The following RBMS3 variants were observed in gnomAD, a reference collection of about 807,000 sequenced individuals.
RBMS3 encodes RNA binding motif single stranded interacting protein 3, also known as RNA-binding motif, single-stranded-interacting protein 3.
Under a neutral mutation model 66.8 loss-of-function variants are expected in RBMS3, and 27 were observed. The observed-to-expected ratio is 0.40, with a 90% CI of 0.30 to 0.56. RBMS3 has a LOEUF of 0.56. RBMS3 is among the 20% of genes least tolerant of loss of function. The pLI is 0.40. For missense variants in RBMS3, 513 were observed against 549.5 expected, an observed-to-expected ratio of 0.93 and a Z score of 0.66; for synonymous variants, 188 against 183.0, an observed-to-expected ratio of 1.03 and a Z score of -0.22.
intron 1 of RBMS3, among the ~76,000 whole-genome samples, chr3:29,358,621 A>G (rs1438937165): frequency 1.3e-5 from 2 of 152,156 alleles, no homozygotes; most frequent in Admixed American, 6.5e-5. Context: ...CATTGAATCT[A>G]TAAATTACCT....
chr3:29,872,723 A>G (rs2059521755), intron 7 of RBMS3, among the ~76,000 whole-genome samples: 1 of 152,144 alleles, frequency 6.6e-6, no homozygotes, highest in East Asian at 1.9e-4. Context: ...CAGGAGCATC[A>G]TGATCCAGCA....
chr3:29,297,994 T>G (rs1232990332), intron 1 of RBMS3, among the ~76,000 whole-genome samples: 1 of 151,878 alleles, frequency 6.6e-6, no homozygotes, highest in Non-Finnish European at 1.5e-5. Flanking sequence ...CTTTCAAATA[T>G]CTTCAAACTT....
At chr3:29,639,379 T>C (rs1466815397) in intron 4 of RBMS3, among the ~76,000 whole-genome samples, 1 of 151,874 alleles carries the variant, frequency 6.6e-6, no homozygotes, top group African/African-American at 2.4e-5. Flanking sequence ...GGGAAATTTT[T>C]GAAAATTGTA....
chr3:29,517,305 GTGTATA>G (rs760345981), intron 3 of RBMS3, among the ~76,000 whole-genome samples: 52 of 111,378 alleles, frequency 4.7e-4, no homozygotes, highest in Admixed American at 1.0e-3. Context: ...GTGTGTGTGT[GTGTATA>G]TATATATATT....
chr3:29,971,934 G>A (rs563956235), intron 12 of RBMS3, among the ~76,000 whole-genome samples: 1 of 151,100 alleles, frequency 6.6e-6, no homozygotes, highest in Admixed American at 6.6e-5. Flanking sequence ...AGAAGGAGGA[G>A]GTTAGCAAGA....
chr3:29,576,083 C>A (rs2047110433), intron 3 of RBMS3, among the ~76,000 whole-genome samples: 1 of 151,980 alleles, frequency 6.6e-6, no homozygotes, highest in Non-Finnish European at 1.5e-5. Context: ...GGTGTCTGGA[C>A]ATTGAAGAGT....
intron 3 of RBMS3, among the ~76,000 whole-genome samples, chr3:29,509,155 A>G: frequency 6.6e-6 from 1 of 151,526 alleles, no homozygotes; most frequent in Non-Finnish European, 1.5e-5. Context: ...GAGTATTCAC[A>G]TTCTACTCCA....
chr3:29,336,368 ATCAAAC>A (rs1477971160), intron 1 of RBMS3, among the ~76,000 whole-genome samples: 4 of 152,134 alleles, frequency 2.6e-5, no homozygotes, highest in African/African-American at 4.8e-5. Context: ...CAGCTTTTCC[ATCAAAC>A]TCAATTACAA....
chr3:29,747,397 GATAGATAGATAGATAGATAGA>G (rs2054961386), intron 5 of RBMS3, among the ~76,000 whole-genome samples: 2 of 42,926 alleles, frequency 4.7e-5, no homozygotes, highest in East Asian at 9.2e-4. Flanking sequence ...TAGGTAGATA[GATAGATAGATAGATAGATAGA>G]TAGATAGATA....
At chr3:29,462,506 G>T (rs939306741) in intron 2 of RBMS3, among the ~76,000 whole-genome samples, 1 of 152,130 alleles carries the variant, frequency 6.6e-6, no homozygotes, top group Admixed American at 6.5e-5. Context: ...CAGTTGCCTG[G>T]CTGTGGACTT....
chr3:29,640,557 G>A (rs565368953), intron 4 of RBMS3, among the ~76,000 whole-genome samples: 11 of 151,970 alleles, frequency 7.2e-5, no homozygotes, highest in Admixed American at 3.3e-4. Context: ...AAATCCCTGG[G>A]TTCTTGAAGG....
At chr3:29,850,340 A>C (rs2058900313) in intron 6 of RBMS3, among the ~76,000 whole-genome samples, 1 of 152,192 alleles carries the variant, frequency 6.6e-6, no homozygotes, top group Non-Finnish European at 1.5e-5. Context: ...CAGGACCATG[A>C]AGGAGGCCAT....
intron 2 of RBMS3, among the ~76,000 whole-genome samples, chr3:29,447,998 G>A (rs191636415): frequency 5.9e-5 from 9 of 152,132 alleles, no homozygotes; most frequent in Admixed American, 2.0e-4. Flanking sequence ...CAGGAATCTC[G>A]GGAAATCAAC....
intron 2 of RBMS3, among the ~76,000 whole-genome samples, chr3:29,437,064 A>G (rs770663848): frequency 5.3e-5 from 8 of 152,102 alleles, no homozygotes; most frequent in Non-Finnish European, 1.2e-4. Context: ...TTCTGTGTTT[A>G]CTTGTAGTAT....
At chr3:29,497,378 T>C (rs184218373) in intron 3 of RBMS3, among the ~76,000 whole-genome samples, 42 of 152,314 alleles carry the variant, frequency 2.8e-4, no homozygotes, top group African/African-American at 9.4e-4. Context: ...TAGAGTTACA[T>C]TACTTTCACC....
intron 14 of RBMS3, among the ~76,000 whole-genome samples, chr3:29,993,618 C>CTCATGAATGAAGAAGAA (rs1199455977): frequency 6.6e-5 from 10 of 152,170 alleles, no homozygotes; most frequent in African/African-American, 2.2e-4. Flanking sequence ...GATTGAACCT[C>CTCATGAATGAAGAAGAA]TCATGAATGA....
At chr3:29,993,017 G>A (rs867656566) in intron 14 of RBMS3, among the ~76,000 whole-genome samples, 1 of 152,162 alleles carries the variant, frequency 6.6e-6, no homozygotes, top group Non-Finnish European at 1.5e-5. Context: ...TATACATTAA[G>A]AGATTTGTTT....
intron 12 of RBMS3, among the ~76,000 whole-genome samples, chr3:29,980,003 AT>A (rs1697873711): frequency 6.6e-6 from 1 of 152,180 alleles, no homozygotes; most frequent in South Asian, 2.1e-4. Context: ...TCCCTGAGGA[AT>A]TGCCACACTG....
chr3:29,607,112 G>A (rs551538881), intron 4 of RBMS3, among the ~76,000 whole-genome samples: 15 of 152,032 alleles, frequency 9.9e-5, no homozygotes, highest in Non-Finnish European at 1.6e-4. Flanking sequence ...CAGAATTGCT[G>A]TATTGGGTAC....
Sources: gnomAD v4.1 joint callset for allele counts (sites outside exome capture counted in the v4.1 genomes callset) on GRCh38, gnomAD v4.1.1 for gene constraint, MANE v1.5 for transcripts, NCBI Gene and HGNC (gene_info 2026-07-23, HGNC 2026-07-21) for gene names.